CTNNA3: variants seen among roughly 807,000 people sequenced by gnomAD.
The protein encoded by CTNNA3 is catenin alpha 3, also known as catenin alpha-3.
Under a neutral mutation model 95.7 loss-of-function variants are expected in CTNNA3, and 76 were observed. The observed-to-expected ratio is 0.79, with a 90% CI of 0.66 to 0.96. The LOEUF (loss-of-function observed/expected upper bound fraction) is 0.96. Ranked by LOEUF, CTNNA3 falls within the 40% of genes least tolerant of loss-of-function variation. The probability of loss-of-function intolerance (pLI) is 0.00; values close to 1 mark genes in which losing one functional copy is unlikely to be tolerated. For synonymous variants in CTNNA3, 431 were observed against 374.4 expected (o/e 1.15, Z -1.74); for missense variants, 1,191 against 1,089.8 (o/e 1.09, Z -1.31).
chr10:66,082,754 C>T (rs972000537), intron 14 of CTNNA3, among the ~76,000 whole-genome samples: 5 of 152,078 alleles, frequency 3.3e-5, no homozygotes, highest in Admixed American at 1.3e-4. Flanking sequence ...GTAAAATATG[C>T]ACCTGAATTG....
chr10:66,388,747 A>T (rs552303654), intron 11 of CTNNA3, among the ~76,000 whole-genome samples: 6 of 152,150 alleles, frequency 3.9e-5, no homozygotes, highest in Non-Finnish European at 8.8e-5. Context: ...ATTAGAGAAG[A>T]TGTGTAAATG....
chr10:66,464,633 C>T (rs893526647), intron 11 of CTNNA3, among the ~76,000 whole-genome samples: 6 of 151,780 alleles, frequency 4.0e-5, no homozygotes, highest in African/African-American at 9.7e-5. Flanking sequence ...TGTGGTGGTG[C>T]GTGCCTGTAA....
chr10:66,783,029 G>T (rs1029717792), intron 7 of CTNNA3, among the ~76,000 whole-genome samples: 2 of 152,060 alleles, frequency 1.3e-5, no homozygotes, highest in African/African-American at 4.8e-5. Context: ...GATCTTTAGG[G>T]TTCCTCTGAA....
intron 13 of CTNNA3, among the ~76,000 whole-genome samples, chr10:66,189,518 T>C (rs2086536940): frequency 6.6e-6 from 1 of 151,300 alleles, no homozygotes; most frequent in Non-Finnish European, 1.5e-5. Context: ...TGCTTAGTTT[T>C]ATTTCTGGGC....
intron 13 of CTNNA3, among the ~76,000 whole-genome samples, chr10:66,203,993 C>G (rs939990071): frequency 2.6e-5 from 4 of 151,956 alleles, no homozygotes; most frequent in African/African-American, 9.7e-5. Flanking sequence ...AATTCTAGGC[C>G]CAAATTTGGA....
intron 7 of CTNNA3, among the ~76,000 whole-genome samples, chr10:66,920,258 A>G (rs1389180100): frequency 6.6e-6 from 1 of 152,236 alleles, no homozygotes; most frequent in Non-Finnish European, 1.5e-5. Context: ...CTAAGTAAAA[A>G]TCCTTAAAAG....
chr10:66,423,242 T>C (rs2093211275), intron 11 of CTNNA3, among the ~76,000 whole-genome samples: 1 of 152,160 alleles, frequency 6.6e-6, no homozygotes, highest in African/African-American at 2.4e-5. Context: ...TACATATATG[T>C]TTATATGTGA....
intron 11 of CTNNA3, among the ~76,000 whole-genome samples, chr10:66,474,799 C>T (rs1297718523): frequency 7.2e-5 from 11 of 151,812 alleles, no homozygotes; most frequent in Non-Finnish European, 1.2e-4. Flanking sequence ...TTAGTGATGC[C>T]GAACATTTTT....
rs534896939 is a variant in CTNNA3 at position 67,389,718 on chromosome 10, C to A, written c.579+132124G>T. 7.3e-4 allele frequency among the ~76,000 whole-genome samples: 110 copies of A among 150,112 alleles called. 1 individual carries two copies. The highest frequency in any genetic ancestry group is 2.6e-3 in the African/African-American group (106 of 40,858). Reference sequence around the variant, plus strand: ...AATTATAACAAACTATCTCTCAGACCACAGTGCAATCAAACTAGAACTCAG... The same window carrying A: ...AATTATAACAAACTATCTCTCAGACAACAGTGCAATCAAACTAGAACTCAG... On this transcript the variant is annotated intron_variant, in intron 5 of 17. Coordinates refer to ENST00000433211, the MANE Select transcript of CTNNA3 (RefSeq NM_013266.4).
chr10:66,761,199 G>A (rs988344758), intron 9 of CTNNA3, among the ~76,000 whole-genome samples: 2 of 152,060 alleles, frequency 1.3e-5, no homozygotes, highest in African/African-American at 4.8e-5. Context: ...CTTCTGTCTT[G>A]GCACTGGGGC....
At chr10:67,698,151 TG>T (rs2133599940), upstream of CTNNA3, among the ~76,000 whole-genome samples, 1 of 152,336 alleles carries the variant, frequency 6.6e-6, no homozygotes, top group East Asian at 1.9e-4. Context: ...CCTATTTACT[TG>T]TTTCCTTTCT....
chr10:67,270,158 A>T (rs1007910867), intron 5 of CTNNA3, among the ~76,000 whole-genome samples: 1 of 151,882 alleles, frequency 6.6e-6, no homozygotes, highest in African/African-American at 2.4e-5. Context: ...CTGAAAATAC[A>T]GAACCTGATT....
intron 7 of CTNNA3, among the ~76,000 whole-genome samples, chr10:67,040,193 A>G (rs1854305424): frequency 6.6e-6 from 1 of 152,040 alleles, no homozygotes; most frequent in Non-Finnish European, 1.5e-5. Flanking sequence ...GTGCCCTTTA[A>G]TGTTCTGAAG....
chr10:66,030,256 T>G (rs1038184150), intron 15 of CTNNA3, among the ~76,000 whole-genome samples: 2 of 152,146 alleles, frequency 1.3e-5, no homozygotes, highest in Non-Finnish European at 2.9e-5. Context: ...AGAGCCTGAA[T>G]AGCCAAAGCA....
At chr10:67,315,042 C>T (rs1840980862) in intron 5 of CTNNA3, among the ~76,000 whole-genome samples, 1 of 152,118 alleles carries the variant, frequency 6.6e-6, no homozygotes, top group South Asian at 2.1e-4. Context: ...CTTGCTATTC[C>T]TCCTCATTCT....
At chr10:65,969,219 T>TGGGAAA (rs145988281) in intron 16 of CTNNA3, among the ~76,000 whole-genome samples, 16,144 of 147,026 alleles carry the variant, frequency 0.11, 1,076 homozygotes, top group East Asian at 0.2. Context: ...GAAAAATAGA[T>TGGGAAA]GGGAAAGGGA....
intron 17 of CTNNA3, among the ~76,000 whole-genome samples, chr10:65,924,315 G>A (rs762168646): frequency 4.6e-5 from 7 of 152,130 alleles, no homozygotes; most frequent in South Asian, 2.1e-4. Context: ...TCTCCATAGC[G>A]GGCTGTATAA....
intron 17 of CTNNA3, among the ~76,000 whole-genome samples, chr10:65,960,002 T>A (rs1440817030): frequency 6.6e-6 from 1 of 152,180 alleles, no homozygotes; most frequent in Non-Finnish European, 1.5e-5. Flanking sequence ...TTAGCTTATT[T>A]TCTCTTCTAA....
intron 9 of CTNNA3, among the ~76,000 whole-genome samples, chr10:66,700,719 C>G (rs1847915926): frequency 6.6e-6 from 1 of 152,044 alleles, no homozygotes; most frequent in Non-Finnish European, 1.5e-5. Flanking sequence ...AAGTTATGCC[C>G]TAAATTGTTC....
Sources: gnomAD v4.1 joint callset for allele counts (sites outside exome capture counted in the v4.1 genomes callset) on GRCh38, gnomAD v4.1.1 for gene constraint, MANE v1.5 for transcripts, NCBI Gene and HGNC (gene_info 2026-07-23, HGNC 2026-07-21) for gene names.